Variants in GRIN3B observed in about 807,000 individuals in gnomAD.
The protein encoded by GRIN3B is glutamate receptor ionotropic, NMDA 3B.
In GRIN3B, 77 loss-of-function variants were observed where a neutral mutation model predicts 66.0. The ratio of observed to expected loss-of-function variants is 1.17; its 90% CI spans 0.97 to 1.41. The LOEUF (loss-of-function observed/expected upper bound fraction) is 1.41, where lower values mean the gene tolerates loss of function less well. GRIN3B is among the 40% of genes most tolerant of loss of function. The pLI is 0.00. For missense variants in GRIN3B, 1,787 were observed against 1,564.5 expected (o/e 1.14, Z -2.40); for synonymous variants, 823 against 749.7 (o/e 1.10, Z -1.60).
intron 8 of GRIN3B, 52 bp downstream of exon 8, chr19:1,008,979 C>T (rs946384377): frequency 2.6e-6 from 4 of 1,550,288 alleles, no homozygotes; most frequent in East Asian, 4.8e-5. Context: ...GACCCACCAC[C>T]CCACCAGCTC....
rs777662897 is a variant in GRIN3B at position 1,004,750 on chromosome 19, C to T, written c.1249C>T (p.Leu417=). The T allele has an allele frequency of 3.7e-6, 6 of 1,610,856 alleles. No individual in the cohort carries two copies. Among genetic ancestry groups the T allele is most frequent in the Non-Finnish European group, 3.4e-6 (4 of 1,178,388 alleles). The stretch of plus-strand genomic sequence containing the variant: ...ACAGGGTGCCCAGGTCTGGCCCAAG[C>T]TGCGTGTGGTAACGCTGTTGGAACA... The part of the protein sequence containing the change: ...PPQGAQVWPK[L]RVVTLLEHPF... Residue 417 remains leucine (L), a synonymous_variant, in exon 3 of 9, where the codon CTG becomes TTG. Coordinates refer to ENST00000234389, the MANE Select transcript of GRIN3B (RefSeq NM_138690.3).
At position 1,009,516 on chromosome 19, in the gene GRIN3B, C is replaced by A; in HGVS notation, c.3046C>A (p.Arg1016Ser). 4 of 1,491,898 alleles carry A rather than the reference C, an allele frequency of 2.7e-6. No individual in the cohort carries two copies. The highest frequency in any genetic ancestry group is 3.6e-6 in the Non-Finnish European group (4 of 1,126,342). 92.4% of individuals were successfully genotyped at this position (1,491,898 alleles called of 1,614,324 possible). Reference protein sequence around the residue: ...QLLAQLGDSARHRPRRLLQAR... With the variant: ...QLLAQLGDSASHRPRRLLQAR... ...CCTGGCACAGCTCGGGGACAGCGCA[C>A]GTCACCGGCCTCGGCGCTTGCTTCA... The change falls in exon 9 of 9, where the codon CGT (arginine) becomes AGT (serine). Residue 1016 changes from arginine to serine, a missense_variant. Transcript: ENST00000234389.
chr19:1,001,532 C>A (rs2038684426), intron 1 of GRIN3B, among the ~76,000 whole-genome samples: 1 of 151,974 alleles, frequency 6.6e-6, no homozygotes, highest in Admixed American at 6.6e-5. Context: ...TGACTGGGTT[C>A]TGGGGTCCCT....
In GRIN3B at chr19:1,009,241, C is replaced by A. The variant is rs1482763044; in HGVS notation, c.2771C>A (p.Ala924Glu). ...QPTAPEGWKR[A>E]RRAVDKERRV... ...ACGGCTCCGGAGGGCTGGAAACGGG[C>A]GCGCCGGGCCGTGGACAAGGAGCGC... The change falls in exon 9 of 9, where the codon GCG (alanine) becomes GAG (glutamate). Residue 924 changes from alanine (A) to glutamate (E), a missense_variant. Ala to Glu is a moderately radical substitution (Grantham distance 107). Coordinates refer to ENST00000234389, the MANE Select transcript of GRIN3B (RefSeq NM_138690.3). 1 of 1,441,496 alleles carries A rather than the reference C, an allele frequency of 6.9e-7. No individual in the cohort carries two copies. The highest frequency in any genetic ancestry group is 3.0e-5 in the Admixed American group (1 of 33,650). 89.3% of individuals were successfully genotyped at this position (1,441,496 alleles called of 1,614,324 possible). A position where few individuals can be genotyped will look rare whatever the true frequency, so the allele number is the denominator to read the frequency against.
intron 1 of GRIN3B, among the ~76,000 whole-genome samples, chr19:1,001,827 G>A (rs1201794840): frequency 1.3e-5 from 2 of 152,050 alleles, no homozygotes; most frequent in Non-Finnish European, 2.9e-5. Flanking sequence ...ACCCAGGCCT[G>A]GGGCGCCCTC....
Position 1,004,616 on chromosome 19 carries a change from G to A in GRIN3B, c.1115G>A (p.Ser372Asn). The change falls in exon 3 of 9, where the codon AGC (serine) becomes AAC (asparagine). Residue 372 changes from serine to asparagine, a missense_variant. By Grantham distance (46) the Ser-to-Asn change is conservative. Coordinates refer to ENST00000234389, the MANE Select transcript of GRIN3B (RefSeq NM_138690.3). ...ATGTCTCGGCACTTTAAGGTGTGGAGCCTTCGCCGGGACCCACGGGGCGCC... is the reference window on the plus strand; with the variant it reads ...ATGTCTCGGCACTTTAAGGTGTGGAACCTTCGCCGGGACCCACGGGGCGCC... Reference protein sequence around the residue: ...VHMSRHFKVWSLRRDPRGAPA... With the variant: ...VHMSRHFKVWNLRRDPRGAPA... 6.2e-7 allele frequency: 1 copy of A among 1,604,338 alleles called. No homozygotes were observed. Among genetic ancestry groups the A allele is most frequent in the Non-Finnish European group, 8.5e-7 (1 of 1,176,062 alleles).
chr19:1,008,319 G>C (rs2038784068), intron 6 of GRIN3B, 28 bp downstream of exon 6: 1 of 1,305,936 alleles, frequency 7.7e-7, no homozygotes, highest in African/African-American at 1.5e-5. Context: ...ACAGAGGGTG[G>C]GGGTGGGGGT....
rs768764234 is a variant in GRIN3B, at chr19:1,005,103, C to G, written c.1602C>G (p.Ile534Met). 3 of 1,612,852 alleles carry G rather than the reference C, an allele frequency of 1.9e-6. No homozygotes were observed. The highest frequency in any genetic ancestry group is 2.2e-5 in the South Asian group (2 of 91,038). The change falls in exon 3 of 9, where the codon ATC becomes ATG. Residue 534 changes from isoleucine (I) to methionine (M), a missense_variant. By Grantham distance (10) the Ile-to-Met change is conservative. Transcript: ENST00000234389. The surrounding 1 kb of genome is among the most constrained non-coding windows in gnomAD (Gnocchi z 5.2). ...ACATGGCGGTCACCAGCTTCAGTAT[C>G]AACTCCGCCCGCTCACAGGTGGTGG... is the stretch of plus-strand genomic sequence containing the variant. ...RAHMAVTSFS[I>M]NSARSQVVDF...
chr19:1,009,492 C>T lies in GRIN3B; in HGVS notation c.3022C>T (p.Leu1008=). ...RQALVRRGQL[L]AQLGDSARHR... ...GGCCCTGGTGCGGCGCGGCCAGCTC[C>T]TGGCACAGCTCGGGGACAGCGCACG... Residue 1008 remains leucine (L), a synonymous_variant, in exon 9 of 9, where the codon CTG becomes TTG. Coordinates refer to ENST00000234389, the MANE Select transcript of GRIN3B (RefSeq NM_138690.3). 6.7e-7 allele frequency: 1 copy of T among 1,494,834 alleles called. No individual in the cohort carries two copies. The highest frequency in any genetic ancestry group is 8.9e-7 in the Non-Finnish European group (1 of 1,128,602). The allele number at this position is 1,494,834 out of a possible 1,614,324, so 92.6% of individuals were successfully genotyped here. A position where few individuals can be genotyped will look rare whatever the true frequency, so the allele number is the denominator to read the frequency against.
At position 1,007,627 on chromosome 19, in the gene GRIN3B, G is replaced by A; in HGVS notation, c.2053-1G>A. The A allele has an allele frequency of 1.3e-6, 2 of 1,502,918 alleles. No individual in the cohort carries two copies. The highest frequency in any genetic ancestry group is 1.8e-6 in the Non-Finnish European group (2 of 1,129,386). The allele number at this position is 1,502,918 out of a possible 1,614,324, so 93.1% of individuals were successfully genotyped here. ...AGGCGCTGACGGGGTCCCCCGCGCA[G>A]CTGCACCACCCGGCGCAGGGCTTCC... On this transcript the variant is annotated splice_acceptor_variant, in intron 3 of 8. Transcript: ENST00000234389. LOFTEE classifies it high-confidence loss of function. The surrounding 1 kb of genome is among the most constrained non-coding windows in gnomAD (Gnocchi z 4.4).
In GRIN3B at chr19:1,003,720, A is replaced by G; in HGVS notation, c.1017A>G (p.Ala339=). The G allele has an allele frequency of 7.1e-7, 1 of 1,401,042 alleles. No individual in the cohort carries two copies. Among genetic ancestry groups the G allele is most frequent in the Non-Finnish European group, 9.2e-7 (1 of 1,083,758 alleles). The allele number at this position is 1,401,042 out of a possible 1,614,324, so 86.8% of individuals were successfully genotyped here. ...AGPESPGRFL[A]RFLANTSFQG... The stretch of plus-strand genomic sequence containing the variant: ...CCGAGTCCCCGGGGCGCTTCTTGGC[A>G]CGGTGAGTGGGGACCCTGCTTCCCT... The change falls in exon 2 of 9, where the codon GCA becomes GCG. Residue 339 remains alanine, a splice_region_variant and synonymous_variant. Coordinates refer to ENST00000234389, the MANE Select transcript of GRIN3B (RefSeq NM_138690.3).
In GRIN3B at chr19:1,005,404, A is replaced by C; in HGVS notation, c.1903A>C (p.Lys635Gln). The C allele has an allele frequency of 6.2e-7, 1 of 1,613,658 alleles. No homozygotes were observed. The highest frequency in any genetic ancestry group is 8.5e-7 in the Non-Finnish European group (1 of 1,179,990). Residue 635 changes from lysine (K) to glutamine (Q), a missense_variant, in exon 3 of 9, where the codon AAG becomes CAG. Physicochemically the swap from Lys to Gln is moderately conservative, Grantham distance 53. Coordinates refer to ENST00000234389, the MANE Select transcript of GRIN3B (RefSeq NM_138690.3). The surrounding 1 kb of genome is among the most constrained non-coding windows in gnomAD (Gnocchi z 5.2). ...AILFRRTVSS[K>Q]TPKCPTGRLL... is the part of the protein sequence containing the mutation. ...CCTCTTCAGACGCACCGTGTCCAGCAAGACGCCCAAGTGCCCCACGGGCCG... is the reference window on the plus strand; with the variant it reads ...CCTCTTCAGACGCACCGTGTCCAGCCAGACGCCCAAGTGCCCCACGGGCCG...
intron 2 of GRIN3B, among the ~76,000 whole-genome samples, chr19:1,004,044 G>T (rs950154893): frequency 6.6e-6 from 1 of 152,224 alleles, no homozygotes; most frequent in African/African-American, 2.4e-5. Flanking sequence ...AGCTGAGATC[G>T]CACCACTGCA....
intron 1 of GRIN3B, among the ~76,000 whole-genome samples, chr19:1,001,772 C>T (rs931215787): frequency 6.6e-6 from 1 of 152,122 alleles, no homozygotes; most frequent in Non-Finnish European, 1.5e-5. Context: ...AAGGGGACCC[C>T]TGTCCCCCCA....
Position 1,005,643 on chromosome 19 carries a change from G to A in GRIN3B, c.2052+90G>A, listed in dbSNP as rs556803434. On this transcript the variant is annotated intron_variant, in intron 3 of 8. Coordinates refer to ENST00000234389, the MANE Select transcript of GRIN3B (RefSeq NM_138690.3). The surrounding 1 kb of genome is among the most constrained non-coding windows in gnomAD (Gnocchi z 5.2). ...GTGGGGCAGGGGTGGTCAGCTGGAC[G>A]TGGAGGACGTCCACTAGGCCAACTC... The A allele has an allele frequency of 1.7e-5, 17 of 1,003,098 alleles. No individual in the cohort carries two copies. Among genetic ancestry groups the A allele is most frequent in the South Asian group, 3.4e-5 (2 of 59,062 alleles). 62.1% of individuals were successfully genotyped at this position (1,003,098 alleles called of 1,614,324 possible).
rs2038743211 is a variant in GRIN3B, at chr19:1,005,860, T to C, written c.2052+307T>C. Among the ~76,000 whole-genome samples the C allele has an allele frequency of 6.6e-6, 1 of 151,914 alleles. No individual in the cohort carries two copies. Among genetic ancestry groups the C allele is most frequent in the East Asian group, 1.9e-4 (1 of 5,134 alleles). On this transcript the variant is annotated intron_variant, in intron 3 of 8. Transcript: ENST00000234389. This position sits in a 1 kb window ranked among gnomAD's most constrained non-coding sequence, Gnocchi z 5.2. ...TTACTAAAAAATACAAAGAATTAGC[T>C]GAGCATGGTGGTGGGCACCTGTAAT...
At chr19:1,009,031 C>A (rs898674060) in intron 8 of GRIN3B, 104 bp downstream of exon 8, 3 of 1,449,330 alleles carry the variant, frequency 2.1e-6, no homozygotes, top group Admixed American at 4.2e-5. Context: ...TCCCGGAGGT[C>A]CCCCGCCCAC....
At position 1,007,961 on chromosome 19, in the gene GRIN3B, C is replaced by A. The variant is rs964944972; in HGVS notation, c.2304C>A (p.Phe768Leu). Residue 768 changes from phenylalanine (F) to leucine (L), a missense_variant, in exon 5 of 9, where the codon TTC (phenylalanine) becomes TTA (leucine). Transcript: ENST00000234389. The surrounding 1 kb of genome is among the most constrained non-coding windows in gnomAD (Gnocchi z 4.4). ...DCKLLTVGKP[F>L]AIEGYGIGLP... ...AACTGCTGACCGTGGGAAAGCCCTTCGCCATTGAGGGTGAGAGGCACCTGG... is the reference window on the plus strand; with the variant it reads ...AACTGCTGACCGTGGGAAAGCCCTTAGCCATTGAGGGTGAGAGGCACCTGG... 4.3e-6 allele frequency: 7 copies of A among 1,611,984 alleles called. No individual in the cohort carries two copies. Among genetic ancestry groups the A allele is most frequent in the Non-Finnish European group, 5.9e-6 (7 of 1,179,550 alleles).
chr19:1,009,012 G>T (rs896687229), intron 8 of GRIN3B, 85 bp downstream of exon 8: 1 of 1,508,930 alleles, frequency 6.6e-7, no homozygotes, highest in African/African-American at 1.4e-5. Flanking sequence ...GCCGCGGGGT[G>T]CAGGAGGTTC....
Sources: allele counts gnomAD v4.1 joint callset (sites outside exome capture counted in the v4.1 genomes callset), GRCh38; gene constraint gnomAD v4.1.1; non-coding constraint Gnocchi (gnomAD v3.1); transcripts MANE v1.5; gene names NCBI Gene and HGNC (gene_info 2026-07-23, HGNC 2026-07-21).